The following ATP8B4 variants were observed in gnomAD, a reference collection of about 807,000 sequenced individuals.
The protein encoded by ATP8B4 is probable phospholipid-transporting ATPase IM.
Under a neutral mutation model 145.6 loss-of-function variants are expected in ATP8B4, and 133 were observed. The observed-to-expected ratio is 0.91, with a 90% CI of 0.79 to 1.05. ATP8B4 has a LOEUF of 1.05. Among genes scored for constraint, ATP8B4 ranks in the 50% least tolerant of loss-of-function variants. The pLI, the probability that ATP8B4 is intolerant of heterozygous loss-of-function variation, is 0.00. For missense variants in ATP8B4, 1,458 were observed against 1,425.2 expected, an observed-to-expected ratio of 1.02 and a Z score of -0.37; for synonymous variants, 507 against 492.9, an observed-to-expected ratio of 1.03 and a Z score of -0.38.
chr15:49,976,751 T>G (rs2045701022), intron 12 of ATP8B4, among the ~76,000 whole-genome samples: 1 of 152,148 alleles, frequency 6.6e-6, no homozygotes, highest in African/African-American at 2.4e-5. Context: ...CGTTTTTGTT[T>G]GGGAAAAGAG....
At chr15:50,002,423 T>G (rs1005926339) in intron 7 of ATP8B4, among the ~76,000 whole-genome samples, 200 bp from the exon 8 acceptor site, 2 of 152,122 alleles carry the variant, frequency 1.3e-5, no homozygotes, top group African/African-American at 4.8e-5. Context: ...TATATGCCCC[T>G]TGACTATCAC....
At chr15:49,997,664 C>T (rs567447269) in intron 8 of ATP8B4, among the ~76,000 whole-genome samples, 2 of 152,172 alleles carry the variant, frequency 1.3e-5, no homozygotes, top group African/African-American at 4.8e-5. Context: ...TTTGTGCAAA[C>T]CCGTGAAATA....
At chr15:50,093,845 CATA>C (rs2055775163) in intron 2 of ATP8B4, among the ~76,000 whole-genome samples, 1 of 152,076 alleles carries the variant, frequency 6.6e-6, no homozygotes, top group South Asian at 2.1e-4. Context: ...TTATCATACT[CATA>C]TCAGATAAAT....
chr15:49,926,542 C>G (rs1354046438), intron 16 of ATP8B4, among the ~76,000 whole-genome samples: 1 of 152,114 alleles, frequency 6.6e-6, no homozygotes, highest in African/African-American at 2.4e-5. Flanking sequence ...CCTCTCCCTT[C>G]TATTAAGTTT....
At chr15:50,091,699 A>T (rs182774857) in intron 2 of ATP8B4, among the ~76,000 whole-genome samples, 118 of 152,234 alleles carry the variant, frequency 7.8e-4, no homozygotes, top group Admixed American at 1.8e-3. Context: ...TTCTTATTCA[A>T]CTTAACATTT....
chr15:49,922,354 T>C (rs1355620406), intron 17 of ATP8B4: 3 of 432,698 alleles, frequency 6.9e-6, no homozygotes, highest in Non-Finnish European at 1.4e-5. Flanking sequence ...CAGACACTTA[T>C]GATTCCAGTG....
chr15:50,094,108 T>C (rs987934369), intron 2 of ATP8B4, among the ~76,000 whole-genome samples: 1 of 152,110 alleles, frequency 6.6e-6, no homozygotes, highest in African/African-American at 2.4e-5. Flanking sequence ...TGCTCAGATA[T>C]TTGGTCAAGC....
intron 2 of ATP8B4, among the ~76,000 whole-genome samples, chr15:50,089,913 G>A (rs1027156103): frequency 2.6e-5 from 4 of 152,070 alleles, no homozygotes; most frequent in Non-Finnish European, 2.9e-5. Context: ...ACATGCACAC[G>A]TATGTTCATT....
intron 3 of ATP8B4, among the ~76,000 whole-genome samples, chr15:50,058,017 A>G (rs184004240): frequency 4.1e-4 from 63 of 152,024 alleles, no homozygotes; most frequent in Middle Eastern, 3.4e-3. Context: ...GAGAGAGAGA[A>G]AAAGACCTAG....
intron 13 of ATP8B4, among the ~76,000 whole-genome samples, chr15:49,964,998 C>T (rs2044399373): frequency 6.6e-6 from 1 of 152,102 alleles, no homozygotes; most frequent in Non-Finnish European, 1.5e-5. Context: ...TTTAGAAAGC[C>T]TCTGAAAATA....
At chr15:50,181,811 G>C (rs1406304880) in intron 1 of ATP8B4, among the ~76,000 whole-genome samples, 4 of 152,160 alleles carry the variant, frequency 2.6e-5, no homozygotes, top group Non-Finnish European at 5.9e-5. Flanking sequence ...GTTTGGCAGT[G>C]GCACCTGGTA....
At chr15:49,901,990 A>G (rs1054989348) in intron 20 of ATP8B4, 29 of 229,036 alleles carry the variant, frequency 1.3e-4, no homozygotes, top group African/African-American at 6.1e-4. Context: ...CATCTCTGCC[A>G]TCTAAGAGGA....
At chr15:50,065,955 C>T (rs1432743501) in intron 3 of ATP8B4, among the ~76,000 whole-genome samples, 4 of 146,544 alleles carry the variant, frequency 2.7e-5, no homozygotes, top group Non-Finnish European at 1.5e-5. Flanking sequence ...TCTTTAATTA[C>T]TTTAATATGC....
At chr15:50,100,234 C>T (rs1203039973) in intron 2 of ATP8B4, among the ~76,000 whole-genome samples, 1 of 152,076 alleles carries the variant, frequency 6.6e-6, no homozygotes, top group African/African-American at 2.4e-5. Context: ...TTATTAAAGG[C>T]TGCAGACGTG....
intron 9 of ATP8B4, among the ~76,000 whole-genome samples, chr15:49,995,156 G>A (rs996349012): frequency 2.0e-5 from 3 of 152,080 alleles, no homozygotes; most frequent in African/African-American, 7.2e-5. Context: ...CTAAATAATT[G>A]CTAACAATCA....
chr15:50,128,993 G>A (rs866120436), intron 1 of ATP8B4, among the ~76,000 whole-genome samples: 30 of 152,162 alleles, frequency 2.0e-4, no homozygotes, highest in Non-Finnish European at 2.9e-4. Flanking sequence ...ACTTGAACCC[G>A]GGAGGTGGAG....
intron 5 of ATP8B4, 128 bp downstream of exon 5, chr15:50,044,466 T>G: frequency 1.7e-6 from 1 of 592,492 alleles, no homozygotes; most frequent in East Asian, 3.1e-5. Context: ...AAACAAATAG[T>G]AAAATAGCTT....
At chr15:50,072,988 A>C (rs1398158930) in intron 3 of ATP8B4, among the ~76,000 whole-genome samples, 85 of 19,096 alleles carry the variant, frequency 4.5e-3, no homozygotes, top group African/African-American at 6.9e-3. Context: ...CTCTATATAT[A>C]TATATATATA....
intron 1 of ATP8B4, among the ~76,000 whole-genome samples, chr15:50,170,659 AG>A (rs2044658596): frequency 1.3e-5 from 2 of 152,100 alleles, no homozygotes; most frequent in Admixed American, 1.3e-4. Flanking sequence ...AAAAAAACAA[AG>A]TACACAGGCA....
Sources: gnomAD v4.1 joint callset for allele counts (sites outside exome capture counted in the v4.1 genomes callset) on GRCh38, gnomAD v4.1.1 for gene constraint, MANE v1.5 for transcripts, NCBI Gene and HGNC (gene_info 2026-07-23, HGNC 2026-07-21) for gene names.